DOCK1: variants seen among roughly 807,000 people sequenced by gnomAD.
DOCK1 encodes the protein dedicator of cytokinesis protein 1.
A neutral mutation model predicts 262.7 loss-of-function variants in DOCK1; 138 were observed. The ratio of observed to expected loss-of-function variants is 0.53; its 90% CI spans 0.46 to 0.61. The LOEUF (loss-of-function observed/expected upper bound fraction) is 0.61, where lower values mean the gene tolerates loss of function less well. DOCK1 is among the 20% of genes least tolerant of loss of function. The probability of loss-of-function intolerance (pLI) is 0.00; values close to 1 mark genes in which losing one functional copy is unlikely to be tolerated. For synonymous variants in DOCK1, 866 were observed against 867.4 expected (o/e 1.00, Z 0.03); for missense variants, 1,908 against 2,370.7 (o/e 0.80, Z 4.05).
At chr10:127,170,171 C>T (rs1176610595) in intron 27 of DOCK1, among the ~76,000 whole-genome samples, 1 of 152,092 alleles carries the variant, frequency 6.6e-6, no homozygotes, top group Non-Finnish European at 1.5e-5. Context: ...TGCCACCCTT[C>T]CTGCAAGGTA....
chr10:127,248,888 A>G (rs1590113666), intron 28 of DOCK1, among the ~76,000 whole-genome samples: 1 of 152,292 alleles, frequency 6.6e-6, no homozygotes, highest in East Asian at 1.9e-4. Flanking sequence ...TGGCTGCATT[A>G]GATTCTAATA....
intron 1 of DOCK1, among the ~76,000 whole-genome samples, chr10:126,969,775 G>A (rs1435581660): frequency 1.3e-5 from 2 of 152,250 alleles, no homozygotes; most frequent in East Asian, 3.9e-4. Context: ...AAGGTACGGT[G>A]GCCCGTGCTT....
intron 27 of DOCK1, among the ~76,000 whole-genome samples, chr10:127,229,761 A>G (rs1188745285): frequency 6.6e-6 from 1 of 152,164 alleles, no homozygotes; most frequent in African/African-American, 2.4e-5. Context: ...GTGGGATTGC[A>G]GCATCATTTG....
chr10:127,427,338 G>T (rs1311380231), intron 47 of DOCK1, among the ~76,000 whole-genome samples: 1 of 152,106 alleles, frequency 6.6e-6, no homozygotes, highest in African/African-American at 2.4e-5. Flanking sequence ...TTTTTTCTGG[G>T]CCCAGGGCCG....
At chr10:127,414,316 A>G (rs1160450872) in intron 43 of DOCK1, among the ~76,000 whole-genome samples, 2 of 152,180 alleles carry the variant, frequency 1.3e-5, no homozygotes, top group Non-Finnish European at 2.9e-5. Flanking sequence ...GGAGGTTGGA[A>G]TGGCAGAAGA....
In DOCK1 at chr10:127,059,696, A is replaced by AT. The variant is rs551248465; in HGVS notation, c.2337-1965dup. 5.4e-3 allele frequency among the ~76,000 whole-genome samples: 813 copies of AT among 151,520 alleles called. 8 individuals are homozygous for AT. Among genetic ancestry groups the AT allele is most frequent in the Non-Finnish European group, 9.8e-3 (666 of 67,822 alleles). ...ATTTTTCTCTTACCTTCTATTTGTC[A>AT]TTTTTTTATCTTATTTTCCCTGTTC... On this transcript the variant is annotated intron_variant, in intron 22 of 51. Coordinates refer to ENST00000623213, the MANE Select transcript of DOCK1 (RefSeq NM_001290223.2).
intron 18 of DOCK1, among the ~76,000 whole-genome samples, chr10:127,033,843 G>C (rs1025658763): frequency 1.3e-5 from 2 of 152,216 alleles, no homozygotes; most frequent in African/African-American, 4.8e-5. Context: ...TCTGCACTTT[G>C]CACTCTGTTG....
At chr10:126,906,077 G>A (rs1167446484) in intron 1 of DOCK1, among the ~76,000 whole-genome samples, 1 of 152,176 alleles carries the variant, frequency 6.6e-6, no homozygotes, top group Non-Finnish European at 1.5e-5. Flanking sequence ...GGGAGGAGGG[G>A]GCGCGACCTG....
Position 126,905,982 on chromosome 10 carries a change from A to G in DOCK1, c.46+419A>G, listed in dbSNP as rs560280680. Among the ~76,000 whole-genome samples the G allele has an allele frequency of 2.5e-3, 379 of 151,904 alleles. 4 individuals are homozygous for G. Among genetic ancestry groups the G allele is most frequent in the Middle Eastern group, 0.024 (7 of 294 alleles). On this transcript the variant is annotated intron_variant, in intron 1 of 51. Coordinates refer to ENST00000623213, the MANE Select transcript of DOCK1 (RefSeq NM_001290223.2). ...TCTCGCGGCGGCTTCTGCTTCTTGGATGAACTTGCGTCCCGCGTCCGGGCT... is the reference window on the plus strand; with the variant it reads ...TCTCGCGGCGGCTTCTGCTTCTTGGGTGAACTTGCGTCCCGCGTCCGGGCT...
chr10:127,433,920 T>C (rs951902314), intron 48 of DOCK1, among the ~76,000 whole-genome samples: 1 of 152,082 alleles, frequency 6.6e-6, no homozygotes. Flanking sequence ...CTTCTTCTAA[T>C]GTGGCTCAGG....
At chr10:127,234,400 G>A (rs138354352) in intron 27 of DOCK1, among the ~76,000 whole-genome samples, 1 of 152,122 alleles carries the variant, frequency 6.6e-6, no homozygotes, top group African/African-American at 2.4e-5. Flanking sequence ...TACACAAAAT[G>A]TTCAAAGGGT....
At chr10:127,191,773 T>C (rs1167521) in intron 27 of DOCK1, among the ~76,000 whole-genome samples, 125,559 of 152,194 alleles carry the variant, frequency 0.82, 52,180 homozygotes, top group South Asian at 0.93. Flanking sequence ...AAGGCCCTCA[T>C]GCCATCAGCC....
intron 1 of DOCK1, among the ~76,000 whole-genome samples, chr10:126,943,605 G>C (rs1342262894): frequency 6.6e-6 from 1 of 152,172 alleles, no homozygotes; most frequent in Non-Finnish European, 1.5e-5. Flanking sequence ...AATGACTGCT[G>C]TGTGCTTGGC....
chr10:127,359,958 G>A (rs1342632237), intron 32 of DOCK1, among the ~76,000 whole-genome samples: 2 of 152,106 alleles, frequency 1.3e-5, no homozygotes, highest in African/African-American at 4.8e-5. Flanking sequence ...AATTTCTCAG[G>A]CATTCTTCTG....
At chr10:127,091,060 C>A (rs1002735334) in intron 23 of DOCK1, among the ~76,000 whole-genome samples, 1 of 150,638 alleles carries the variant, frequency 6.6e-6, no homozygotes, top group Admixed American at 6.6e-5. Context: ...CGGCTCACTG[C>A]AAGCTCTGCC....
rs553209035 is a variant in DOCK1, at chr10:127,354,665, C to T, written c.3225-4C>T. 6.2e-7 allele frequency: 1 copy of T among 1,613,716 alleles called. No homozygotes were observed. Among genetic ancestry groups the T allele is most frequent in the African/African-American group, 1.3e-5 (1 of 75,046 alleles). ...TCAGCGTTTTTCTTTTCCCTGATTT[C>T]CAGGTACGGAGATATGAGGAGACAG... On this transcript the variant is annotated splice_polypyrimidine_tract_variant and splice_region_variant and intron_variant, in intron 31 of 51. Transcript: ENST00000623213.
intron 1 of DOCK1, among the ~76,000 whole-genome samples, chr10:126,920,809 C>G (rs1395302194): frequency 1.3e-5 from 2 of 152,198 alleles, no homozygotes; most frequent in East Asian, 3.9e-4. Context: ...TTCACATAGG[C>G]TGGTCCGAGT....
At chr10:127,102,002 C>T (rs1303256609) in intron 23 of DOCK1, among the ~76,000 whole-genome samples, 10 of 152,086 alleles carry the variant, frequency 6.6e-5, no homozygotes, top group Admixed American at 4.6e-4. Context: ...GAAATTATTA[C>T]GATTTAGTGC....
intron 1 of DOCK1, among the ~76,000 whole-genome samples, chr10:126,926,864 A>G (rs2033771899): frequency 6.6e-6 from 1 of 152,182 alleles, no homozygotes; most frequent in Non-Finnish European, 1.5e-5. Flanking sequence ...TAGGCACCTT[A>G]ATTTCTGACA....
Sources: allele counts gnomAD v4.1 joint callset (sites outside exome capture counted in the v4.1 genomes callset), GRCh38; gene constraint gnomAD v4.1.1; transcripts MANE v1.5; gene names NCBI Gene and HGNC (gene_info 2026-07-23, HGNC 2026-07-21).